KMT2D: variants seen among roughly 807,000 people sequenced by gnomAD.
KMT2D encodes histone-lysine N-methyltransferase 2D.
In KMT2D, 55 loss-of-function variants were observed where a neutral mutation model predicts 512.7. The ratio of observed to expected loss-of-function variants is 0.11; its 90% CI spans 0.09 to 0.13. KMT2D has a LOEUF of 0.13. Among genes scored for constraint, KMT2D ranks in the 10% least tolerant of loss-of-function variants. The probability of loss-of-function intolerance (pLI) is 1.00; values close to 1 mark genes in which losing one functional copy is unlikely to be tolerated. For missense variants in KMT2D, 6,061 were observed against 7,127.9 expected (o/e 0.85, Z 5.39); for synonymous variants, 2,995 against 2,904.0 (o/e 1.03, Z -1.01).
In KMT2D at chr12:49,052,296, C is replaced by T. The variant is rs2120684851; in HGVS notation, c.1387G>A (p.Glu463Lys). ...GGTGGTGGTGACAGGCGTGATGCCT[C>T]AGGTGGTGGGGACGTGGGTGATTCC... ...PEESPTSPPPEASRLSPPPEE... is the reference protein window; with the variant it reads ...PEESPTSPPPKASRLSPPPEE... The change falls in exon 11 of 55, where the codon GAG becomes AAG. Residue 463 changes from glutamate to lysine, a missense_variant. Glu to Lys is a moderately conservative substitution (Grantham distance 56). This residue lies in a region of KMT2D where 848 missense variants were observed against 838.5 expected (regional missense o/e 1.01). Transcript: ENST00000301067. The T allele has an allele frequency of 6.3e-7, 1 of 1,597,168 alleles. No homozygotes were observed. Among genetic ancestry groups the T allele is most frequent in the South Asian group, 1.1e-5 (1 of 88,372 alleles).
At position 49,048,102 on chromosome 12, in the gene KMT2D, C is replaced by A. The variant is rs375849925; in HGVS notation, c.4132-33G>T. The A allele has an allele frequency of 1.1e-5, 16 of 1,417,104 alleles. No homozygotes were observed. The African/African-American group carries it at 1.5e-4, about 14-fold the overall frequency. The allele number at this position is 1,417,104 out of a possible 1,614,324, so 87.8% of individuals were successfully genotyped here. On this transcript the variant is annotated intron_variant, in intron 14 of 54. Coordinates refer to ENST00000301067, the MANE Select transcript of KMT2D (RefSeq NM_003482.4). ...AACACAGAGAAACCCAAATGTCCAA[C>A]TAGATCTCCCCATCCCACTCAGATC...
rs762798733 is a variant in KMT2D at position 49,041,616 on chromosome 12, C to T, written c.6234+39G>A. 32 of 1,613,200 alleles carry T rather than the reference C, an allele frequency of 2.0e-5. No individual in the cohort carries two copies. The Admixed American group carries it at 3.3e-4, about 17-fold the overall frequency. ...CCCTCCACCCTCAAGAGAGGCCACCCACTAGAGGACTGCTACACCCCAGCC... is the reference window on the plus strand; with the variant it reads ...CCCTCCACCCTCAAGAGAGGCCACCTACTAGAGGACTGCTACACCCCAGCC... On this transcript the variant is annotated intron_variant, in intron 31 of 54. Transcript: ENST00000301067. The surrounding 1 kb of genome is among the most constrained non-coding windows in gnomAD (Gnocchi z 5.4).
Position 49,022,920 on chromosome 12 carries a change from C to T in KMT2D, c.16053-45G>A. ...ATGACAAGACAGCTCTCCCTCAGACCAAGTACATACCACCCACCTCCTCTG... is the reference window on the plus strand; with the variant it reads ...ATGACAAGACAGCTCTCCCTCAGACTAAGTACATACCACCCACCTCCTCTG... On this transcript the variant is annotated intron_variant, in intron 51 of 54. Coordinates refer to ENST00000301067, the MANE Select transcript of KMT2D (RefSeq NM_003482.4). The surrounding 1 kb of genome is among the most constrained non-coding windows in gnomAD (Gnocchi z 8.6). The T allele has an allele frequency of 6.6e-7, 1 of 1,513,738 alleles. No homozygotes were observed. Among genetic ancestry groups the T allele is most frequent in the African/African-American group, 1.4e-5 (1 of 72,834 alleles). 93.8% of individuals were successfully genotyped at this position (1,513,738 alleles called of 1,614,324 possible).
rs889792793 is a variant in KMT2D at position 49,020,339 on chromosome 12, G to C, written c.*1441C>G. On this transcript the variant is annotated 3_prime_UTR_variant, in exon 55 of 55. Transcript: ENST00000301067. Reference sequence around the variant, plus strand: ...AGGGCGGTAGGTCGGGTAATGGAGGGGGCCCCCCCACAAGGGGAGCTCCAT... The same window carrying C: ...AGGGCGGTAGGTCGGGTAATGGAGGCGGCCCCCCCACAAGGGGAGCTCCAT... The C allele has an allele frequency of 5.7e-6, 1 of 176,850 alleles. No individual in the cohort carries two copies. Among genetic ancestry groups the C allele is most frequent in the African/African-American group, 2.4e-5 (1 of 42,150 alleles). The allele number at this position is 176,850 out of a possible 1,614,324, so 11.0% of individuals were successfully genotyped here. A position where few individuals can be genotyped will look rare whatever the true frequency, so the allele number is the denominator to read the frequency against.
Position 49,022,936 on chromosome 12 carries a change from ACCT to A in KMT2D, c.16053-64_16053-62del, listed in dbSNP as rs1427754825. ...CCCTCAGACCAAGTACATACCACCC[ACCT>A]CCTCTGCCACCTCCTGGGATGTGCA... On this transcript the variant is annotated intron_variant, in intron 51 of 54. Transcript: ENST00000301067. This position sits in a 1 kb window ranked among gnomAD's most constrained non-coding sequence, Gnocchi z 8.6. 1 of 1,464,598 alleles carries A rather than the reference ACCT, an allele frequency of 6.8e-7. No individual in the cohort carries two copies. The highest frequency in any genetic ancestry group is 2.4e-5 in the East Asian group (1 of 40,994). 90.7% of individuals were successfully genotyped at this position (1,464,598 alleles called of 1,614,324 possible).
In KMT2D at chr12:49,031,199, T is replaced by C. The variant is rs372508690; in HGVS notation, c.13506A>G (p.Leu4502=). 1.7e-4 allele frequency: 275 copies of C among 1,610,254 alleles called. No individual in the cohort carries two copies. The highest frequency in any genetic ancestry group is 2.3e-4 in the Non-Finnish European group (265 of 1,177,726). ...CCTCCTTGTTGCTGGGGGTACCCTGTAGTTTCTGCTCCAGCCCAGCCAGCT... is the reference window on the plus strand; with the variant it reads ...CCTCCTTGTTGCTGGGGGTACCCTGCAGTTTCTGCTCCAGCCCAGCCAGCT... ...DSKLAGLEQK[L]QGTPSNKEDA... Residue 4502 remains leucine, a synonymous_variant, in exon 40 of 55, where the codon CTA becomes CTG. Coordinates refer to ENST00000301067, the MANE Select transcript of KMT2D (RefSeq NM_003482.4).
chr12:49,053,124 A>G, intron 8 of KMT2D, 52 bp from the exon 9 acceptor site: 1 of 1,612,942 alleles, frequency 6.2e-7, no homozygotes, highest in Non-Finnish European at 8.5e-7. Context: ...CAAAGACTAA[A>G]CGAAAGTACA....
Position 49,038,561 on chromosome 12 carries a change from T to C in KMT2D, c.8795A>G (p.Gln2932Arg), listed in dbSNP as rs1461496470. 6.2e-7 allele frequency: 1 copy of C among 1,612,186 alleles called. No homozygotes were observed. The highest frequency in any genetic ancestry group is 8.5e-7 in the Non-Finnish European group (1 of 1,178,800). Residue 2932 changes from glutamine to arginine, a missense_variant, in exon 35 of 55, where the codon CAG becomes CGG. By Grantham distance (43) the Gln-to-Arg change is conservative. Around this residue, in one of 16 missense-constraint regions of KMT2D, gnomAD observed 527 missense variants for 578.9 expected, o/e 0.91. Transcript: ENST00000301067. This position sits in a 1 kb window ranked among gnomAD's most constrained non-coding sequence, Gnocchi z 5.7. The part of the protein sequence containing the change: ...RGLAVSGLPP[Q>R]KPSAPPAPEL... ...AGGGGCCGGTGGGGCTGAGGGTTTC[T>C]GTGGGGGAAGACCTGATACCGCCAG...
At position 49,051,244 on chromosome 12, in the gene KMT2D, C is replaced by G. The variant is rs762461790; in HGVS notation, c.2439G>C (p.Pro813=). The part of the protein sequence containing the change: ...ELHLSPQTEE[P]HLSPVPEEPC... ...GCTCCTCAGGCACAGGAGACAGGTGCGGCTCCTCAGTCTGGGGGGACAGGT... is the reference window on the plus strand; with the variant it reads ...GCTCCTCAGGCACAGGAGACAGGTGGGGCTCCTCAGTCTGGGGGGACAGGT... Residue 813 remains proline, a synonymous_variant, in exon 11 of 55, where the codon CCG becomes CCC. Transcript: ENST00000301067. The G allele has an allele frequency of 6.6e-7, 1 of 1,514,270 alleles. No homozygotes were observed. Among genetic ancestry groups the G allele is most frequent in the South Asian group, 1.3e-5 (1 of 77,528 alleles). 93.8% of individuals were successfully genotyped at this position (1,514,270 alleles called of 1,614,324 possible).
chr12:49,047,614 T>C lies in KMT2D; in HGVS notation c.4236+351A>G, dbSNP rs117333631. 4.9e-3 allele frequency among the ~76,000 whole-genome samples: 746 copies of C among 151,990 alleles called. 17 individuals are homozygous for C. Among genetic ancestry groups the C allele is most frequent in the East Asian group, 0.043 (219 of 5,122 alleles). ...TGTTATTTTTTAGAAGAGACGGGGT[T>C]TCACCATGTTGACCACGATGGTCCT... On this transcript the variant is annotated intron_variant, in intron 15 of 54. Coordinates refer to ENST00000301067, the MANE Select transcript of KMT2D (RefSeq NM_003482.4).
intron 9 of KMT2D, 72 bp from the exon 10 acceptor site, chr12:49,052,781 G>T (rs1938156652): frequency 6.3e-7 from 1 of 1,587,892 alleles, no homozygotes; most frequent in Non-Finnish European, 8.6e-7. Flanking sequence ...ACACTGGGGG[G>T]AGGCACGAAT....
In KMT2D at chr12:49,039,350, G is replaced by A. The variant is rs1466909952; in HGVS notation, c.8238C>T (p.Ser2746=). 1 of 1,612,848 alleles carries A rather than the reference G, an allele frequency of 6.2e-7. No individual in the cohort carries two copies. The highest frequency in any genetic ancestry group is 8.5e-7 in the Non-Finnish European group (1 of 1,179,412). ...TGCTTGGGGGCAACCCCACAAGGCTGCTCTTGTCCTAGAAGAGACAAGGTA... is the reference window on the plus strand; with the variant it reads ...TGCTTGGGGGCAACCCCACAAGGCTACTCTTGTCCTAGAAGAGACAAGGTA... The part of the protein sequence containing the change: ...QTPFAGTQDK[S]SLVGLPPSKL... The change falls in exon 34 of 55, where the codon AGC becomes AGT. Residue 2746 remains serine, a synonymous_variant. Transcript: ENST00000301067. The surrounding 1 kb of genome is among the most constrained non-coding windows in gnomAD (Gnocchi z 5.0).
chr12:49,036,643 C>T (rs188426832), intron 35 of KMT2D, among the ~76,000 whole-genome samples: 5 of 152,008 alleles, frequency 3.3e-5, no homozygotes, highest in South Asian at 2.1e-4. Flanking sequence ...GATGCACCAC[C>T]GCGCCCGGCT....
In KMT2D at chr12:49,021,105, A is replaced by C; in HGVS notation, c.*675T>G. ...AAAAAATCCAACACTTAAATGAGGT[A>C]GGTGTGGGTGCGGGGTCTCCTTGCC... On this transcript the variant is annotated 3_prime_UTR_variant, in exon 55 of 55. Coordinates refer to ENST00000301067, the MANE Select transcript of KMT2D (RefSeq NM_003482.4). The C allele has an allele frequency of 5.0e-6, 1 of 198,234 alleles. No individual in the cohort carries two copies. The highest frequency in any genetic ancestry group is 1.0e-5 in the Non-Finnish European group (1 of 95,712). The allele number at this position is 198,234 out of a possible 1,614,324, so 12.3% of individuals were successfully genotyped here.
Position 49,055,048 on chromosome 12 carries a change from ATG to A in KMT2D, c.50-24_50-23del, listed in dbSNP as rs760746504. 38 of 1,612,826 alleles carry A rather than the reference ATG, an allele frequency of 2.4e-5. No homozygotes were observed. The Admixed American group carries it at 4.5e-4, about 19-fold the overall frequency. ...TCAGCTGAATAAACAGACAAACAGC[ATG>A]TGTCAGCCATCATCCCTATTTAACA... On this transcript the variant is annotated intron_variant, in intron 2 of 54. Transcript: ENST00000301067.
chr12:49,042,517 A>C lies in KMT2D; in HGVS notation c.5867+44T>G, dbSNP rs1244480076. 6.3e-7 allele frequency: 1 copy of C among 1,593,186 alleles called. No homozygotes were observed. Among genetic ancestry groups the C allele is most frequent in the Non-Finnish European group, 8.6e-7 (1 of 1,165,704 alleles). On this transcript the variant is annotated intron_variant, in intron 28 of 54. Transcript: ENST00000301067. The surrounding 1 kb of genome is among the most constrained non-coding windows in gnomAD (Gnocchi z 4.4). ...AAAGCATGAACTCAGATGGAGGGAA[A>C]GGACAACGAGGACTGCCCACAAAGG...
At position 49,033,280 on chromosome 12, in the gene KMT2D, C is replaced by T. The variant is rs765858172; in HGVS notation, c.11425G>A (p.Val3809Met). Residue 3809 changes from valine to methionine, a missense_variant, in exon 40 of 55, where the codon GTG becomes ATG. Around this residue, in one of 16 missense-constraint regions of KMT2D, gnomAD observed 1,600 missense variants for 1,754.9 expected, o/e 0.91. Transcript: ENST00000301067. The part of the protein sequence containing the change: ...QGMLGPAQVA[V>M]LQQQHPGALG... ...GCTCCAGGGTGCTGCTGCTGCAACA[C>T]AGCCACCTGGGCAGGGCCCAGCATG... The T allele has an allele frequency of 1.3e-6, 2 of 1,573,372 alleles. No individual in the cohort carries two copies. Among genetic ancestry groups the T allele is most frequent in the East Asian group, 2.3e-5 (1 of 42,600 alleles).
In KMT2D at chr12:49,042,834, C is replaced by T. The variant is rs1318682879; in HGVS notation, c.5689G>A (p.Asp1897Asn). 3.7e-6 allele frequency: 6 copies of T among 1,613,964 alleles called. No homozygotes were observed. Among genetic ancestry groups the T allele is most frequent in the Non-Finnish European group, 5.1e-6 (6 of 1,179,870 alleles). The change falls in exon 27 of 55, where the codon GAT (aspartate) becomes AAT (asparagine). Residue 1897 changes from aspartate to asparagine, a missense_variant. This residue lies in a region of KMT2D where 640 missense variants were observed against 814.3 expected (regional missense o/e 0.79). Coordinates refer to ENST00000301067, the MANE Select transcript of KMT2D (RefSeq NM_003482.4). This position sits in a 1 kb window ranked among gnomAD's most constrained non-coding sequence, Gnocchi z 4.4. Reference sequence around the variant, plus strand: ...TGTTCTCGTTCAGAGCCCAGAACATCCTTGAAGAGCTGCTGCAGGTCCTTG... The same window carrying T: ...TGTTCTCGTTCAGAGCCCAGAACATTCTTGAAGAGCTGCTGCAGGTCCTTG... ...ESKDLQQLFKDVLGSEREQHL... is the reference protein window; with the variant it reads ...ESKDLQQLFKNVLGSEREQHL...
Position 49,040,691 on chromosome 12 carries a change from G to T in KMT2D, c.7079C>A (p.Pro2360His). 1 of 1,613,826 alleles carries T rather than the reference G, an allele frequency of 6.2e-7. No individual in the cohort carries two copies. The highest frequency in any genetic ancestry group is 8.5e-7 in the Non-Finnish European group (1 of 1,179,808). ...QEPPPAQALA[P>H]SPPSHPDIFR... The stretch of plus-strand genomic sequence containing the variant: ...GATGTCTGGGTGACTTGGAGGAGAA[G>T]GTGCCAAAGCCTGGGCAGGGGGTGG... Residue 2360 changes from proline to histidine, a missense_variant, in exon 32 of 55, where the codon CCT becomes CAT. By Grantham distance (77) the Pro-to-His change is moderately conservative. Transcript: ENST00000301067.
Sources: gnomAD v4.1 joint callset for allele counts (sites outside exome capture counted in the v4.1 genomes callset) on GRCh38, gnomAD v4.1.1 for gene constraint, gnomAD v4.1.1 regional missense constraint, Gnocchi (gnomAD v3.1) non-coding constraint, MANE v1.5 for transcripts, NCBI Gene and HGNC (gene_info 2026-07-23, HGNC 2026-07-21) for gene names.